ANK2: variants seen among roughly 807,000 people sequenced by gnomAD.
The protein encoded by ANK2 is ankyrin-2.
Under a neutral mutation model 360.5 loss-of-function variants are expected in ANK2, and 83 were observed. The ratio of observed to expected loss-of-function variants is 0.23; its 90% CI spans 0.19 to 0.28. ANK2 has a LOEUF of 0.28. ANK2 is among the 10% of genes least tolerant of loss of function. ANK2 has a pLI of 1.00. For missense variants in ANK2, 4,201 were observed against 4,795.7 expected (o/e 0.88, Z 3.66); for synonymous variants, 1,740 against 1,759.5 (o/e 0.99, Z 0.28).
intron 4 of ANK2, among the ~76,000 whole-genome samples, chr4:113,219,558 CT>C (rs2099126333): frequency 6.6e-6 from 1 of 151,798 alleles, no homozygotes. Flanking sequence ...GTGTTTTCCC[CT>C]CACACAGAAA....
chr4:112,837,362 G>A (rs1233072408), intron 1 of ANK2, among the ~76,000 whole-genome samples: 1 of 152,270 alleles, frequency 6.6e-6, no homozygotes, highest in African/African-American at 2.4e-5. Context: ...CCACATGAAA[G>A]TCTGCTGCAG....
chr4:113,368,002 G>A (rs759440459), intron 42 of ANK2, 151 bp downstream of exon 42: 17 of 957,422 alleles, frequency 1.8e-5, no homozygotes, highest in Non-Finnish European at 2.3e-5. Flanking sequence ...AAAAAAAAGC[G>A]TTAACATGTA....
the ANK2 span, among the ~76,000 whole-genome samples, chr4:112,785,606 C>T: frequency 1.4e-4 from 22 of 151,850 alleles, no homozygotes; most frequent in Non-Finnish European, 2.9e-5. Flanking sequence ...CACCTGACCT[C>T]GTGATCCACC....
At chr4:112,826,768 C>T (rs2058492832) in intron 1 of ANK2, 3 of 947,732 alleles carry the variant, frequency 3.2e-6, no homozygotes, top group Non-Finnish European at 5.0e-6. Context: ...AAGCAAATTA[C>T]TCTGCCTGGA....
chr4:112,896,902 C>T (rs1198305780), intron 1 of ANK2, among the ~76,000 whole-genome samples: 3 of 152,128 alleles, frequency 2.0e-5, no homozygotes, highest in Admixed American at 6.5e-5. Flanking sequence ...TTAGCTCCAG[C>T]GTGAGGATGC....
At chr4:113,230,806 A>G (rs575078399) in intron 4 of ANK2, among the ~76,000 whole-genome samples, 31 of 152,302 alleles carry the variant, frequency 2.0e-4, no homozygotes, top group African/African-American at 7.2e-4. Flanking sequence ...CTATGCCTAT[A>G]ATAATGTTAT....
chr4:112,741,347 A>G, the ANK2 span, among the ~76,000 whole-genome samples: 1 of 152,178 alleles, frequency 6.6e-6, no homozygotes, highest in South Asian at 2.1e-4. Context: ...CTTTCCAGCA[A>G]GCCCAAGCAT....
intron 1 of ANK2, among the ~76,000 whole-genome samples, chr4:112,835,343 A>G (rs1345986246): frequency 6.6e-6 from 1 of 152,220 alleles, no homozygotes; most frequent in Non-Finnish European, 1.5e-5. Context: ...TTATTCTACT[A>G]TAATTTAATT....
intron 1 of ANK2, among the ~76,000 whole-genome samples, chr4:112,862,753 G>GT (rs2068564726): frequency 6.6e-6 from 1 of 152,012 alleles, no homozygotes; most frequent in Non-Finnish European, 1.5e-5. Flanking sequence ...TGAGATAAAT[G>GT]TTTTTTGTAT....
In ANK2 at chr4:113,332,000, C is replaced by T. The variant is rs1563822593; in HGVS notation, c.3154C>T (p.Pro1052Ser). Reference protein sequence around the residue: ...GKLHLPTAPPPLNEGESLVSR... With the variant: ...GKLHLPTAPPSLNEGESLVSR... ...ACTTCACCTGCCAACGGCTCCTCCC[C>T]CACTTAATGAGGGAGAAAGTTTGGT... is the stretch of plus-strand genomic sequence containing the variant. The change falls in exon 28 of 46, where the codon CCA becomes TCA. Residue 1052 changes from proline (P) to serine (S), a missense_variant. Physicochemically the swap from Pro to Ser is moderately conservative, Grantham distance 74 (BLOSUM62 -1). Around this residue, in one of 4 missense-constraint regions of ANK2, gnomAD observed 1,268 missense variants for 1,650.8 expected, o/e 0.77. Coordinates refer to ENST00000357077, the MANE Select transcript of ANK2 (RefSeq NM_001148.6). 6.2e-6 allele frequency: 10 copies of T among 1,614,026 alleles called. No homozygotes were observed. Among genetic ancestry groups the T allele is most frequent in the Non-Finnish European group, 8.5e-6 (10 of 1,180,008 alleles).
chr4:112,733,178 TGCACTCCA>T, the ANK2 span, among the ~76,000 whole-genome samples: 3 of 152,090 alleles, frequency 2.0e-5, no homozygotes, highest in Non-Finnish European at 4.4e-5. Context: ...ATCCTGCCAC[TGCACTCCA>T]GCATGGGCGA....
At chr4:113,333,809 A>C (rs2093010426) in intron 29 of ANK2, among the ~76,000 whole-genome samples, 1 of 152,218 alleles carries the variant, frequency 6.6e-6, no homozygotes, top group Non-Finnish European at 1.5e-5. Context: ...ATACATACAC[A>C]TCTAGTTTAG....
At chr4:112,922,378 C>T (rs1408976608) in intron 2 of ANK2, among the ~76,000 whole-genome samples, 2 of 152,042 alleles carry the variant, frequency 1.3e-5, no homozygotes, top group Non-Finnish European at 2.9e-5. Flanking sequence ...CCACATGGGC[C>T]GCATTTAACA....
the ANK2 span, among the ~76,000 whole-genome samples, chr4:112,801,850 T>G: frequency 1.3e-5 from 2 of 152,074 alleles, no homozygotes; most frequent in Non-Finnish European, 2.9e-5. Context: ...ATTAAAGCAG[T>G]TGAAGAAAGG....
chr4:112,806,452 A>G, the ANK2 span, among the ~76,000 whole-genome samples: 1 of 152,172 alleles, frequency 6.6e-6, no homozygotes, highest in African/African-American at 2.4e-5. Flanking sequence ...CCATTCATCC[A>G]CTGATGAATA....
the ANK2 span, among the ~76,000 whole-genome samples, chr4:112,720,045 A>G: frequency 6.6e-6 from 1 of 152,272 alleles, no homozygotes; most frequent in East Asian, 1.9e-4. Flanking sequence ...TGACTTATTC[A>G]TGGTTTTCCT....
intron 2 of ANK2, among the ~76,000 whole-genome samples, chr4:112,907,624 T>C (rs2085695442): frequency 6.6e-6 from 1 of 152,214 alleles, no homozygotes; most frequent in Admixed American, 6.5e-5. Context: ...CATCAAAACA[T>C]GAAATTCTTA....
intron 1 of ANK2, among the ~76,000 whole-genome samples, chr4:113,160,631 C>G (rs531584873): frequency 6.6e-6 from 1 of 152,130 alleles, no homozygotes; most frequent in Non-Finnish European, 1.5e-5. Context: ...TCCAGAAATA[C>G]TTCTCCATCT....
At chr4:112,711,018 C>T in the ANK2 span, among the ~76,000 whole-genome samples, 1,320 of 150,684 alleles carry the variant, frequency 8.8e-3, 20 homozygotes, top group African/African-American at 0.03. Context: ...TCAAACTCCT[C>T]AGCTCAAGTG....
Sources: gnomAD v4.1 joint callset for allele counts (sites outside exome capture counted in the v4.1 genomes callset) on GRCh38, gnomAD v4.1.1 for gene constraint, gnomAD v4.1.1 regional missense constraint, MANE v1.5 for transcripts, NCBI Gene and HGNC (gene_info 2026-07-23, HGNC 2026-07-21) for gene names.